The following FAM83B variants were observed in gnomAD, a reference collection of about 807,000 sequenced individuals.
FAM83B encodes the protein scaffolding CK1 anchoring protein B.
Under a neutral mutation model 38.8 loss-of-function variants are expected in FAM83B, and 26 were observed. That is an observed-to-expected ratio of 0.67 (90% CI 0.49 to 0.93). The LOEUF (loss-of-function observed/expected upper bound fraction) is 0.93. Ranked by LOEUF, FAM83B falls within the 40% of genes least tolerant of loss-of-function variation. The pLI, the probability that FAM83B is intolerant of heterozygous loss-of-function variation, is 0.00. For missense variants in FAM83B, 1,237 were observed against 1,197.3 expected (o/e 1.03, Z -0.49); for synonymous variants, 419 against 423.1 (o/e 0.99, Z 0.12).
chr6:54,940,644 G>T lies in FAM83B; in HGVS notation c.1673G>T (p.Ser558Ile). Residue 558 changes from serine to isoleucine, a missense_variant, in exon 5 of 5, where the codon AGT becomes ATT. Transcript: ENST00000306858. ...PTLPEQKEVN[S>I]CTTGSSNSTI... ...TTACCTGAGCAAAAGGAAGTTAACAGTTGTACAACTGGCTCCTCAAATTCA... is the reference window on the plus strand; with the variant it reads ...TTACCTGAGCAAAAGGAAGTTAACATTTGTACAACTGGCTCCTCAAATTCA... 1 of 1,614,018 alleles carries T rather than the reference G, an allele frequency of 6.2e-7. No individual in the cohort carries two copies. The highest frequency in any genetic ancestry group is 8.5e-7 in the Non-Finnish European group (1 of 1,180,008).
intron 2 of FAM83B, among the ~76,000 whole-genome samples, chr6:54,916,232 C>T (rs1773034163): frequency 1.3e-5 from 2 of 152,138 alleles, no homozygotes; most frequent in Non-Finnish European, 2.9e-5. Flanking sequence ...CCCTCTTTCT[C>T]TTTCTGCCTG....
chr6:54,915,812 C>CAAAAAAAAAAAAAAA (rs58597609), intron 2 of FAM83B, among the ~76,000 whole-genome samples: 5 of 18,048 alleles, frequency 2.8e-4, no homozygotes, highest in African/African-American at 7.1e-4. Context: ...GACTCCGTCT[C>CAAAAAAAAAAAAAAA]AAAAAAAAAA....
At chr6:54,927,269 G>A (rs372394100) in intron 3 of FAM83B, among the ~76,000 whole-genome samples, 1 of 152,024 alleles carries the variant, frequency 6.6e-6, no homozygotes, top group Non-Finnish European at 1.5e-5. Flanking sequence ...ATAGTGAGAG[G>A]CTGAGTGATC....
chr6:54,848,260 A>T (rs900123996), intron 1 of FAM83B, among the ~76,000 whole-genome samples: 3 of 152,184 alleles, frequency 2.0e-5, no homozygotes, highest in African/African-American at 7.2e-5. Context: ...CACACCTTCC[A>T]ATTGCAAATT....
At chr6:54,898,385 A>T (rs1201821130) in intron 2 of FAM83B, among the ~76,000 whole-genome samples, 1 of 152,112 alleles carries the variant, frequency 6.6e-6, no homozygotes, top group Admixed American at 6.6e-5. Flanking sequence ...TCGCCTCTAC[A>T]TTGTTCGTGG....
chr6:54,902,598 G>GACATTTCTCT lies in FAM83B; in HGVS notation c.445-23767_445-23766insCTCTACATTT, dbSNP rs1465257877. 1.5e-3 allele frequency among the ~76,000 whole-genome samples: 227 copies of GACATTTCTCT among 152,060 alleles called. 4 individuals carry two copies. Among genetic ancestry groups the GACATTTCTCT allele is most frequent in the African/African-American group, 5.2e-3 (217 of 41,406 alleles). ...TGATCATCATAGTTACCTTGTTTTT[G>GACATTTCTCT]ACATTTTTCTACATTTTTCCATATT... On this transcript the variant is annotated intron_variant, in intron 2 of 4. Coordinates refer to ENST00000306858, the MANE Select transcript of FAM83B (RefSeq NM_001010872.3).
At chr6:54,912,110 T>C (rs949930152) in intron 2 of FAM83B, among the ~76,000 whole-genome samples, 4 of 152,020 alleles carry the variant, frequency 2.6e-5, no homozygotes, top group African/African-American at 9.7e-5. Flanking sequence ...CTTGAGGATA[T>C]ATTTATATGA....
At chr6:54,928,316 C>T (rs1420204174) in intron 4 of FAM83B, among the ~76,000 whole-genome samples, 1 of 152,144 alleles carries the variant, frequency 6.6e-6, no homozygotes, top group East Asian at 1.9e-4. Flanking sequence ...AAGGCGAAAC[C>T]TTTGTCTCCT....
chr6:54,888,736 T>A (rs2127579758), intron 2 of FAM83B, among the ~76,000 whole-genome samples: 1 of 152,064 alleles, frequency 6.6e-6, no homozygotes, highest in African/African-American at 2.4e-5. Context: ...TTTTTAAATT[T>A]TTTTTTTCTC....
At position 54,926,371 on chromosome 6, in the gene FAM83B, G is replaced by A. The variant is rs761888739; in HGVS notation, c.445G>A (p.Val149Ile). 1.1e-5 allele frequency: 17 copies of A among 1,566,786 alleles called. No individual in the cohort carries two copies. The South Asian group carries it at 2.0e-4, about 19-fold the overall frequency. ...TGTTTCATATTCTTATATTTAACAGGTCATTGCTTTAGTGATGGATATATT... is the reference window on the plus strand; with the variant it reads ...TGTTTCATATTCTTATATTTAACAGATCATTGCTTTAGTGATGGATATATT... ...IRKMIKEARK[V>I]IALVMDIFTD... Residue 149 changes from valine (V) to isoleucine (I), a missense_variant and splice_region_variant, in exon 3 of 5, where the codon GTC becomes ATC. Coordinates refer to ENST00000306858, the MANE Select transcript of FAM83B (RefSeq NM_001010872.3).
rs766010713 is a variant in FAM83B at position 54,867,734 on chromosome 6, C to T, written c.-60-2453C>T. Among the ~76,000 whole-genome samples, 42 of 151,806 alleles carry T rather than the reference C, an allele frequency of 2.8e-4. 1 individual carries two copies. The highest frequency in any genetic ancestry group is 2.0e-4 in the Admixed American group (3 of 15,228). ...TTCCAGAATGAATTTTTTACAGTTC[C>T]AAAATATTTATTTGCATAGGTGTAG... On this transcript the variant is annotated intron_variant, in intron 1 of 4. Coordinates refer to ENST00000306858, the MANE Select transcript of FAM83B (RefSeq NM_001010872.3).
At chr6:54,866,601 A>C (rs529720051) in intron 1 of FAM83B, among the ~76,000 whole-genome samples, 1 of 152,236 alleles carries the variant, frequency 6.6e-6, no homozygotes, top group East Asian at 1.9e-4. Context: ...AGGTTGTTGC[A>C]TGTATTAGTA....
intron 2 of FAM83B, among the ~76,000 whole-genome samples, chr6:54,917,326 A>C (rs1274847587): frequency 1.3e-5 from 2 of 152,176 alleles, no homozygotes; most frequent in African/African-American, 4.8e-5. Context: ...TAATTACAAA[A>C]CACGTGTTTA....
intron 2 of FAM83B, among the ~76,000 whole-genome samples, chr6:54,920,562 T>A (rs1228544351): frequency 1.3e-5 from 2 of 151,830 alleles, no homozygotes; most frequent in Non-Finnish European, 3.0e-5. Context: ...TATAATAGAC[T>A]TCAAAGGGAA....
At chr6:54,855,602 G>T (rs1018643924) in intron 1 of FAM83B, among the ~76,000 whole-genome samples, 1 of 152,126 alleles carries the variant, frequency 6.6e-6, no homozygotes, top group Non-Finnish European at 1.5e-5. Flanking sequence ...TGTTTATGGA[G>T]TGGCTTTACT....
At chr6:54,862,861 G>T (rs1771617294) in intron 1 of FAM83B, among the ~76,000 whole-genome samples, 1 of 148,356 alleles carries the variant, frequency 6.7e-6, no homozygotes, top group Non-Finnish European at 1.5e-5. Flanking sequence ...TCCAGGCTGG[G>T]TGCAAAAACC....
At chr6:54,884,819 C>CTGGA (rs1772230356) in intron 2 of FAM83B, among the ~76,000 whole-genome samples, 1 of 149,718 alleles carries the variant, frequency 6.7e-6, no homozygotes, top group African/African-American at 2.5e-5. Context: ...GTCGCCCATG[C>CTGGA]TGGAGTGCAG....
chr6:54,873,938 T>C (rs1581892620), intron 2 of FAM83B, among the ~76,000 whole-genome samples: 1 of 152,070 alleles, frequency 6.6e-6, no homozygotes, highest in East Asian at 1.9e-4. Context: ...ATAAAAGTTA[T>C]CTGCTTAAAG....
chr6:54,905,299 T>G (rs904286774), intron 2 of FAM83B, among the ~76,000 whole-genome samples: 20 of 152,164 alleles, frequency 1.3e-4, no homozygotes, highest in African/African-American at 4.8e-4. Context: ...GCCAGTTATC[T>G]CCCTAATATG....
Sources: allele counts gnomAD v4.1 joint callset (sites outside exome capture counted in the v4.1 genomes callset), GRCh38; gene constraint gnomAD v4.1.1; transcripts MANE v1.5; gene names NCBI Gene and HGNC (gene_info 2026-07-23, HGNC 2026-07-21).